Variants in MBNL1 observed in about 807,000 individuals in gnomAD.
The protein encoded by MBNL1 is muscleblind-like protein 1.
In MBNL1, 8 loss-of-function variants were observed where a neutral mutation model predicts 42.2. The observed-to-expected ratio is 0.19, with a 90% CI of 0.11 to 0.34. The LOEUF (loss-of-function observed/expected upper bound fraction) is 0.34. Ranked by LOEUF, MBNL1 falls within the 10% of genes least tolerant of loss-of-function variation. The pLI is 1.00. For synonymous variants in MBNL1, 169 were observed against 173.9 expected, an observed-to-expected ratio of 0.97 and a Z score of 0.22; for missense variants, 309 against 495.3, an observed-to-expected ratio of 0.62 and a Z score of 3.57.
intron 7 of MBNL1, 37 bp from the exon 8 acceptor site, chr3:152,456,230 T>C (rs1733516394): frequency 7.1e-7 from 1 of 1,401,532 alleles, no homozygotes; most frequent in Admixed American, 1.7e-5. Flanking sequence ...TGCTACACTC[T>C]TCTGTATGTT....
chr3:152,446,793 G>A, intron 5 of MBNL1: 2 of 1,572,924 alleles, frequency 1.3e-6, no homozygotes, highest in Admixed American at 1.9e-5. Context: ...TTGGCATGTA[G>A]CTTTATTGTA....
upstream of MBNL1, chr3:152,266,419 G>C (rs1443224636): frequency 6.6e-6 from 1 of 152,026 alleles, no homozygotes; most frequent in Non-Finnish European, 1.5e-5. Context: ...TTCCCCTTTT[G>C]CACCATAAGC....
chr3:152,385,094 C>T (rs1215415586), intron 2 of MBNL1, among the ~76,000 whole-genome samples: 1 of 151,950 alleles, frequency 6.6e-6, no homozygotes, highest in Non-Finnish European at 1.5e-5. Flanking sequence ...CATTTGGTAG[C>T]GATACTTAGT....
At chr3:152,320,706 T>G (rs1454838262) in intron 2 of MBNL1, among the ~76,000 whole-genome samples, 1 of 151,436 alleles carries the variant, frequency 6.6e-6, no homozygotes, top group East Asian at 1.9e-4. Flanking sequence ...TTTAATCTTT[T>G]TTGACTCTAC....
chr3:152,249,336 T>A (rs1233388327), intron 2 of MBNL1, among the ~76,000 whole-genome samples: 2 of 141,754 alleles, frequency 1.4e-5, no homozygotes, highest in African/African-American at 5.2e-5. Context: ...GGTATCTCAT[T>A]GTGGTTTTGA....
At chr3:152,252,073 T>G (rs1163167443) in intron 2 of MBNL1, among the ~76,000 whole-genome samples, 1 of 152,076 alleles carries the variant, frequency 6.6e-6, no homozygotes, top group Non-Finnish European at 1.5e-5. Flanking sequence ...TCAACTATTT[T>G]GGTGCTTAAA....
At chr3:152,312,083 T>C (rs1300271505) in intron 2 of MBNL1, among the ~76,000 whole-genome samples, 1 of 150,672 alleles carries the variant, frequency 6.6e-6, no homozygotes, top group African/African-American at 2.4e-5. Flanking sequence ...TCCCAGCTAC[T>C]TGGGAGGCTG....
chr3:152,397,660 G>A (rs954320429), intron 2 of MBNL1, among the ~76,000 whole-genome samples: 1 of 152,060 alleles, frequency 6.6e-6, no homozygotes, highest in Non-Finnish European at 1.5e-5. Flanking sequence ...TCTATTTAAA[G>A]TATTTCTTGG....
chr3:152,449,283 AG>A (rs1716859190), intron 6 of MBNL1: 1 of 152,194 alleles, frequency 6.6e-6, no homozygotes, highest in Non-Finnish European at 1.5e-5. Context: ...GCTAGACCAG[AG>A]GTAGTGAGTT....
At chr3:152,309,700 A>G (rs1410374618) in intron 2 of MBNL1, among the ~76,000 whole-genome samples, 1 of 152,232 alleles carries the variant, frequency 6.6e-6, no homozygotes, top group Admixed American at 6.5e-5. Context: ...CTTGTGATGG[A>G]TAAATTACAT....
intron 4 of MBNL1, among the ~76,000 whole-genome samples, chr3:152,436,281 A>T (rs751631591): frequency 6.6e-6 from 1 of 152,222 alleles, no homozygotes; most frequent in Non-Finnish European, 1.5e-5. Flanking sequence ...AAACAATCTT[A>T]TGAGGAAGAT....
chr3:152,365,145 T>A (rs1470645185), intron 2 of MBNL1, among the ~76,000 whole-genome samples: 3 of 152,154 alleles, frequency 2.0e-5, no homozygotes, highest in Non-Finnish European at 4.4e-5. Context: ...GTCATATCTT[T>A]ATTGAATTTA....
intron 6 of MBNL1, among the ~76,000 whole-genome samples, chr3:152,449,828 G>C (rs1031726592): frequency 6.6e-6 from 1 of 152,114 alleles, no homozygotes; most frequent in African/African-American, 2.4e-5. Flanking sequence ...ATATTGGCCA[G>C]GCGCAGTGAC....
At chr3:152,317,820 A>T (rs778709246) in intron 2 of MBNL1, among the ~76,000 whole-genome samples, 1 of 152,196 alleles carries the variant, frequency 6.6e-6, no homozygotes, top group Admixed American at 6.5e-5. Context: ...ACGATAAAGG[A>T]TACATTGTAA....
intron 3 of MBNL1, among the ~76,000 whole-genome samples, chr3:152,419,121 TATCA>T (rs1454315712): frequency 1.3e-5 from 2 of 152,134 alleles, no homozygotes; most frequent in Non-Finnish European, 2.9e-5. Context: ...AAACTAATAT[TATCA>T]ATTATAGAAT....
intron 2 of MBNL1, among the ~76,000 whole-genome samples, chr3:152,305,285 G>T (rs1287677169): frequency 6.6e-6 from 1 of 152,152 alleles, no homozygotes; most frequent in Non-Finnish European, 1.5e-5. Flanking sequence ...GAAATGGAAT[G>T]TTTCTCAGAC....
intron 2 of MBNL1, among the ~76,000 whole-genome samples, chr3:152,413,180 C>CA (rs2098630099): frequency 6.6e-6 from 1 of 152,188 alleles, no homozygotes; most frequent in Admixed American, 6.5e-5. Flanking sequence ...CAACCTACAT[C>CA]AAGCATGGTG....
chr3:152,424,681 C>A (rs1167445061), intron 3 of MBNL1, among the ~76,000 whole-genome samples: 1 of 152,068 alleles, frequency 6.6e-6, no homozygotes, highest in African/African-American at 2.4e-5. Flanking sequence ...CTTCATACTA[C>A]AAGGCTACAG....
intron 2 of MBNL1, among the ~76,000 whole-genome samples, chr3:152,413,925 G>T (rs750689686): frequency 6.6e-6 from 1 of 152,142 alleles, no homozygotes; most frequent in African/African-American, 2.4e-5. Flanking sequence ...CAAAAGGAAG[G>T]TATATTTGTA....
Sources: allele counts gnomAD v4.1 joint callset (sites outside exome capture counted in the v4.1 genomes callset), GRCh38; gene constraint gnomAD v4.1.1; transcripts MANE v1.5; gene names NCBI Gene and HGNC (gene_info 2026-07-23, HGNC 2026-07-21).